Variants in BICC1 observed in about 807,000 individuals in gnomAD.
The protein encoded by BICC1 is BicC family RNA binding protein 1.
In BICC1, 43 loss-of-function variants were observed where a neutral mutation model predicts 111.0. The observed-to-expected ratio is 0.39, with a 90% CI of 0.30 to 0.50. The LOEUF (loss-of-function observed/expected upper bound fraction) is 0.50, where lower values mean the gene tolerates loss of function less well. BICC1 is among the 20% of genes least tolerant of loss of function. The pLI is 0.88. For synonymous variants in BICC1, 467 were observed against 434.4 expected (o/e 1.07, Z -0.93); for missense variants, 1,091 against 1,203.2 (o/e 0.91, Z 1.38).
At chr10:58,758,655 A>G (rs1053351714) in intron 3 of BICC1, among the ~76,000 whole-genome samples, 1 of 152,212 alleles carries the variant, frequency 6.6e-6, no homozygotes, top group Non-Finnish European at 1.5e-5. Flanking sequence ...AGCTTAAGAA[A>G]TGTTTTATCA....
chr10:58,724,742 C>T (rs779648673), intron 3 of BICC1, among the ~76,000 whole-genome samples: 148 of 152,370 alleles, frequency 9.7e-4, no homozygotes, highest in Non-Finnish European at 7.9e-4. Flanking sequence ...CACTGGCTTA[C>T]AGACTGGCAG....
At chr10:58,550,753 A>G (rs927798242) in intron 1 of BICC1, among the ~76,000 whole-genome samples, 27 of 152,094 alleles carry the variant, frequency 1.8e-4, no homozygotes, top group African/African-American at 6.3e-4. Context: ...ACTACATTGT[A>G]TGGGTTGATT....
chr10:58,761,117 C>A (rs1842303485), intron 3 of BICC1, among the ~76,000 whole-genome samples: 1 of 152,104 alleles, frequency 6.6e-6, no homozygotes, highest in Non-Finnish European at 1.5e-5. Flanking sequence ...CTCAGCCTCC[C>A]AAAGTGCTGG....
intron 3 of BICC1, among the ~76,000 whole-genome samples, chr10:58,703,540 G>A (rs1168190186): frequency 6.6e-6 from 1 of 152,150 alleles, no homozygotes; most frequent in Non-Finnish European, 1.5e-5. Flanking sequence ...AAGACATGGT[G>A]AATTTGCAAG....
chr10:58,779,174 A>G (rs1018960679), intron 3 of BICC1, among the ~76,000 whole-genome samples: 5 of 152,212 alleles, frequency 3.3e-5, no homozygotes, highest in Admixed American at 6.5e-5. Flanking sequence ...CCAGTTGACT[A>G]TGAGTAGAAT....
At chr10:58,800,519 T>C (rs772579190) in intron 13 of BICC1, among the ~76,000 whole-genome samples, 193 bp downstream of exon 13, 1 of 152,198 alleles carries the variant, frequency 6.6e-6, no homozygotes, top group Non-Finnish European at 1.5e-5. Flanking sequence ...AAAAGCACTT[T>C]CCACAGAAAT....
intron 17 of BICC1, among the ~76,000 whole-genome samples, chr10:58,812,204 A>ATGT (rs144229849): frequency 1 from 152,206 of 152,208 alleles, 76,102 homozygotes; most frequent in Non-Finnish European, 1. Context: ...GACTTGGGGT[A>ATGT]TTAAGATGAC....
chr10:58,625,269 T>C (rs1317560707), intron 2 of BICC1, among the ~76,000 whole-genome samples: 2 of 152,216 alleles, frequency 1.3e-5, no homozygotes, highest in African/African-American at 4.8e-5. Flanking sequence ...ATCAGTTCTT[T>C]TTTTCTTTCT....
chr10:58,656,159 A>G (rs1838640288), intron 2 of BICC1, among the ~76,000 whole-genome samples: 2 of 152,090 alleles, frequency 1.3e-5, no homozygotes, highest in Non-Finnish European at 2.9e-5. Context: ...GAAGAAGTTG[A>G]ATCTCTGAAT....
intron 2 of BICC1, among the ~76,000 whole-genome samples, chr10:58,697,746 G>A (rs539703180): frequency 6.6e-6 from 1 of 152,076 alleles, no homozygotes; most frequent in South Asian, 2.1e-4. Context: ...GTGCTTGTCG[G>A]CCCCCAGATC....
At chr10:58,569,962 G>A (rs1010479719) in intron 1 of BICC1, among the ~76,000 whole-genome samples, 2 of 152,126 alleles carry the variant, frequency 1.3e-5, no homozygotes, top group African/African-American at 2.4e-5. Context: ...TTGAGGAATT[G>A]CCACACTGTC....
chr10:58,556,254 G>T (rs1479748270), intron 1 of BICC1, among the ~76,000 whole-genome samples: 3 of 152,034 alleles, frequency 2.0e-5, no homozygotes, highest in Non-Finnish European at 4.4e-5. Context: ...CTACTCATTT[G>T]CAGCTTCTCA....
Position 58,817,636 on chromosome 10 carries a change from A to G in BICC1, c.2608A>G (p.Asn870Asp), listed in dbSNP as rs62625030. 13,283 of 1,613,482 alleles carry G rather than the reference A, an allele frequency of 8.2e-3. 81 individuals carry two copies. The highest frequency in any genetic ancestry group is 0.01 in the Non-Finnish European group (12,071 of 1,179,614). ...GACAGGAAGCAATGGCTGTAACTTA[A>G]ATAGCTCTTTCAAAGGTTCTGACCT... ...SLTGSNGCNL[N>D]SSFKGSDLPE... The change falls in exon 19 of 21, where the codon AAT becomes GAT. Residue 870 changes from asparagine to aspartate, a missense_variant. Asn to Asp is a conservative substitution (Grantham distance 23). This residue lies in a region of BICC1 where 231 missense variants were observed against 256.2 expected (regional missense o/e 0.90). Transcript: ENST00000373886.
chr10:58,570,377 C>A (rs1843910271), intron 1 of BICC1, among the ~76,000 whole-genome samples: 1 of 152,156 alleles, frequency 6.6e-6, no homozygotes, highest in African/African-American at 2.4e-5. Flanking sequence ...CTTTTCCTGG[C>A]TTGCTGCCCT....
chr10:58,618,221 T>G (rs995643925), intron 1 of BICC1, among the ~76,000 whole-genome samples: 1 of 152,112 alleles, frequency 6.6e-6, no homozygotes, highest in Admixed American at 6.5e-5. Flanking sequence ...CCAAGGCCTA[T>G]GTCTCCCTTG....
At chr10:58,745,051 C>T (rs1325154330) in intron 3 of BICC1, among the ~76,000 whole-genome samples, 1 of 152,160 alleles carries the variant, frequency 6.6e-6, no homozygotes, top group Non-Finnish European at 1.5e-5. Flanking sequence ...CTGCTACATT[C>T]ACATTCTTGA....
intron 1 of BICC1, among the ~76,000 whole-genome samples, chr10:58,575,298 A>G (rs1042840651): frequency 7.5e-6 from 1 of 133,474 alleles, no homozygotes; most frequent in African/African-American, 2.5e-5. Flanking sequence ...CCTTTTAAAG[A>G]GTATCAAAGA....
In BICC1 at chr10:58,801,046, A is replaced by G. The variant is rs963416109; in HGVS notation, c.2015A>G (p.His672Arg). 2 of 1,595,790 alleles carry G rather than the reference A, an allele frequency of 1.3e-6. No homozygotes were observed. The highest frequency in any genetic ancestry group is 1.4e-5 in the African/African-American group (1 of 73,790). ...CAAGGCACGAAAAACTCACACTTAC[A>G]GTATGTATTTTAATCTTTAAAGAGC... ...LLQGTKNSHL[H>R]STDRLLSDPE... The change falls in exon 14 of 21, where the codon CAC (histidine) becomes CGC (arginine). Residue 672 changes from histidine to arginine, a missense_variant and splice_region_variant. His to Arg is a conservative substitution (Grantham distance 29). Transcript: ENST00000373886.
At chr10:58,600,632 A>G (rs1844995077) in intron 1 of BICC1, among the ~76,000 whole-genome samples, 1 of 152,120 alleles carries the variant, frequency 6.6e-6, no homozygotes, top group South Asian at 2.1e-4. Context: ...TTTGAACTGT[A>G]TGGGTCCACT....
Sources: gnomAD v4.1 joint callset for allele counts (sites outside exome capture counted in the v4.1 genomes callset) on GRCh38, gnomAD v4.1.1 for gene constraint, gnomAD v4.1.1 regional missense constraint, MANE v1.5 for transcripts, NCBI Gene and HGNC (gene_info 2026-07-23, HGNC 2026-07-21) for gene names.